ZSWIM5: variants seen among roughly 807,000 people sequenced by gnomAD.
ZSWIM5 encodes the protein zinc finger SWIM-type containing 5, also known as zinc finger SWIM domain-containing protein 5.
A neutral mutation model predicts 119.6 loss-of-function variants in ZSWIM5; 55 were observed. The ratio of observed to expected loss-of-function variants is 0.46; its 90% CI spans 0.37 to 0.58. The LOEUF (loss-of-function observed/expected upper bound fraction) is 0.58. Ranked by LOEUF, ZSWIM5 falls within the 20% of genes least tolerant of loss-of-function variation. ZSWIM5 has a pLI of 0.00. For missense variants in ZSWIM5, 1,193 were observed against 1,512.8 expected (o/e 0.79, Z 3.51); for synonymous variants, 537 against 606.9 (o/e 0.88, Z 1.69).
At chr1:45,192,776 G>A (rs1646100072) in intron 1 of ZSWIM5, among the ~76,000 whole-genome samples, 1 of 151,984 alleles carries the variant, frequency 6.6e-6, no homozygotes, top group African/African-American at 2.4e-5. Flanking sequence ...ATTTCCAAAT[G>A]GTTCCAACTT....
At chr1:45,173,232 T>A (rs1487414332) in intron 1 of ZSWIM5, among the ~76,000 whole-genome samples, 1 of 152,142 alleles carries the variant, frequency 6.6e-6, no homozygotes, top group Admixed American at 6.6e-5. Context: ...TTTGCATGAA[T>A]ACATAATAGG....
At chr1:45,177,791 T>C (rs528996941) in intron 1 of ZSWIM5, among the ~76,000 whole-genome samples, 4 of 152,072 alleles carry the variant, frequency 2.6e-5, no homozygotes, top group African/African-American at 9.7e-5. Flanking sequence ...CCCAGTCTAA[T>C]GCAAGCAGAA....
intron 4 of ZSWIM5, among the ~76,000 whole-genome samples, chr1:45,052,770 G>A (rs559519761): frequency 2.1e-4 from 30 of 145,790 alleles, no homozygotes; most frequent in Admixed American, 5.5e-4. Flanking sequence ...AAAAAAAAAA[G>A]AAAAAACCCT....
At chr1:45,112,342 C>T (rs752751104) in intron 1 of ZSWIM5, among the ~76,000 whole-genome samples, 1 of 152,104 alleles carries the variant, frequency 6.6e-6, no homozygotes, top group East Asian at 1.9e-4. Flanking sequence ...TGATCTTCAG[C>T]AGGTTACATA....
At chr1:45,044,141 G>C (rs1645032703) in intron 5 of ZSWIM5, among the ~76,000 whole-genome samples, 1 of 148,988 alleles carries the variant, frequency 6.7e-6, no homozygotes, top group African/African-American at 2.5e-5. Flanking sequence ...AGTGAGCCAA[G>C]ATTACACCAC....
intron 1 of ZSWIM5, among the ~76,000 whole-genome samples, chr1:45,126,702 A>G (rs1243858187): frequency 6.6e-6 from 1 of 152,188 alleles, no homozygotes; most frequent in African/African-American, 2.4e-5. Context: ...CAGGAGTTCA[A>G]CACCTACCTG....
chr1:45,031,839 CA>C (rs71040536), intron 11 of ZSWIM5, among the ~76,000 whole-genome samples: 26,661 of 98,532 alleles, frequency 0.27, 2,359 homozygotes, highest in East Asian at 0.37. Context: ...GACTCCATCT[CA>C]AAAAAAAAAA....
At position 45,206,207 on chromosome 1, in the gene ZSWIM5, G is replaced by T; in HGVS notation, c.144C>A (p.Gly48=). 1 of 1,594,166 alleles carries T rather than the reference G, an allele frequency of 6.3e-7. No homozygotes were observed. The highest frequency in any genetic ancestry group is 8.5e-7 in the Non-Finnish European group (1 of 1,171,864). Residue 48 remains glycine, a synonymous_variant, in exon 1 of 14, where the codon GGC becomes GGA. Transcript: ENST00000359600. ...GGGCCCCGAGGACCAGGCAGCTGCTGCCGACGCCCCCTGCCCCTCCGCCGG... is the reference window on the plus strand; with the variant it reads ...GGGCCCCGAGGACCAGGCAGCTGCTTCCGACGCCCCCTGCCCCTCCGCCGG... ...GAAGGGAGGV[G]SSCLVLGARP...
At chr1:45,203,877 C>T (rs926847859) in intron 1 of ZSWIM5, among the ~76,000 whole-genome samples, 3 of 152,020 alleles carry the variant, frequency 2.0e-5, no homozygotes, top group African/African-American at 7.2e-5. Context: ...ATTTATTCAC[C>T]GGTCTTCGTC....
chr1:45,046,580 A>C (rs930753130), intron 5 of ZSWIM5, among the ~76,000 whole-genome samples: 1 of 151,994 alleles, frequency 6.6e-6, no homozygotes, highest in African/African-American at 2.4e-5. Flanking sequence ...GGAGATATCA[A>C]AAAGGCAGTT....
intron 1 of ZSWIM5, among the ~76,000 whole-genome samples, chr1:45,168,251 G>C (rs889688761): frequency 2.6e-5 from 4 of 151,874 alleles, no homozygotes; most frequent in Non-Finnish European, 4.4e-5. Flanking sequence ...CCGTGTTCTC[G>C]CTCACAGGTG....
At chr1:45,139,464 C>A in intron 1 of ZSWIM5, among the ~76,000 whole-genome samples, 1 of 138,632 alleles carries the variant, frequency 7.2e-6, no homozygotes, top group Admixed American at 7.4e-5. Flanking sequence ...CTCTCCCTCC[C>A]TCTCTCTCTC....
intron 11 of ZSWIM5, among the ~76,000 whole-genome samples, chr1:45,023,981 T>G (rs780968411): frequency 6.6e-6 from 1 of 152,236 alleles, no homozygotes; most frequent in African/African-American, 2.4e-5. Flanking sequence ...CATTATTTCA[T>G]ATGCTTGTTT....
At chr1:45,115,492 C>T (rs1645549056) in intron 1 of ZSWIM5, among the ~76,000 whole-genome samples, 1 of 151,628 alleles carries the variant, frequency 6.6e-6, no homozygotes. Context: ...CTCCTCAGTT[C>T]CCAGACGGGG....
Position 45,034,399 on chromosome 1 carries a change from G to A in ZSWIM5, c.2362C>T (p.Pro788Ser). 3.1e-6 allele frequency: 5 copies of A among 1,613,984 alleles called. No homozygotes were observed. Among genetic ancestry groups the A allele is most frequent in the Non-Finnish European group, 4.2e-6 (5 of 1,179,940 alleles). Reference sequence around the variant, plus strand: ...GTGAACCAGCGAGGATAACGGCTGGGCACCACAGACACCATATGGTGAGGG... The same window carrying A: ...GTGAACCAGCGAGGATAACGGCTGGACACCACAGACACCATATGGTGAGGG... ...SHPHHMVSVV[P>S]SRYPRWFTLG... Residue 788 changes from proline (P) to serine (S), a missense_variant, in exon 11 of 14, where the codon CCC (proline) becomes TCC (serine). Pro to Ser is a moderately conservative substitution (Grantham distance 74, BLOSUM62 -1). This residue lies in a region of ZSWIM5 where 961 missense variants were observed against 1,290.0 expected (regional missense o/e 0.74). Coordinates refer to ENST00000359600, the MANE Select transcript of ZSWIM5 (RefSeq NM_020883.2).
chr1:45,099,467 G>A (rs752462848), intron 1 of ZSWIM5, among the ~76,000 whole-genome samples: 12 of 152,082 alleles, frequency 7.9e-5, no homozygotes, highest in Non-Finnish European at 1.5e-4. Flanking sequence ...CTCTACCAGA[G>A]GTACAAAGAG....
chr1:45,171,277 C>T (rs755177025), intron 1 of ZSWIM5, among the ~76,000 whole-genome samples: 9 of 152,020 alleles, frequency 5.9e-5, no homozygotes, highest in African/African-American at 1.2e-4. Flanking sequence ...AAAAGTAATA[C>T]AAACGCCAAA....
chr1:45,045,516 T>C (rs1436870668), intron 5 of ZSWIM5, among the ~76,000 whole-genome samples: 2 of 152,310 alleles, frequency 1.3e-5, no homozygotes, highest in East Asian at 1.9e-4. Flanking sequence ...GCTCAGATGG[T>C]TGAAGGATAT....
At chr1:45,137,303 C>G (rs1207176664) in intron 1 of ZSWIM5, among the ~76,000 whole-genome samples, 2 of 152,134 alleles carry the variant, frequency 1.3e-5, no homozygotes, top group Non-Finnish European at 2.9e-5. Context: ...CCTGCCGTGG[C>G]CTCCCAAAGC....
Sources: allele counts gnomAD v4.1 joint callset (sites outside exome capture counted in the v4.1 genomes callset), GRCh38; gene constraint gnomAD v4.1.1; regional missense constraint gnomAD v4.1.1; transcripts MANE v1.5; gene names NCBI Gene and HGNC (gene_info 2026-07-23, HGNC 2026-07-21).